The following MYPN variants were observed in gnomAD, a reference collection of about 807,000 sequenced individuals.
MYPN encodes sarcomeric protein myopalladin, 145 kDa (MYOP).
A neutral mutation model predicts 129.4 loss-of-function variants in MYPN; 63 were observed. The ratio of observed to expected loss-of-function variants is 0.49; its 90% CI spans 0.40 to 0.60. MYPN has a LOEUF of 0.60. Among genes scored for constraint, MYPN ranks in the 20% least tolerant of loss-of-function variants. MYPN has a pLI of 0.00. For missense variants in MYPN, 1,596 were observed against 1,635.4 expected, an observed-to-expected ratio of 0.98 and a Z score of 0.42; for synonymous variants, 629 against 600.9, an observed-to-expected ratio of 1.05 and a Z score of -0.68.
At chr10:68,091,540 G>T (rs1589508545) in intron 1 of MYPN, among the ~76,000 whole-genome samples, 1 of 151,430 alleles carries the variant, frequency 6.6e-6, no homozygotes, top group Non-Finnish European at 1.5e-5. Context: ...GGCTACAGGT[G>T]CCTGCCACTA....
rs1392300309 is a variant in MYPN, at chr10:68,148,280, C to G, written c.1131-73C>G. ...TCACCTGTAAGCAGTGATGCCATTA[C>G]TAGTTTTCCTAAAATAATTTTCACA... On this transcript the variant is annotated intron_variant, in intron 4 of 19. Transcript: ENST00000358913. The G allele has an allele frequency of 5.1e-6, 6 of 1,188,070 alleles. No homozygotes were observed. In the East Asian group the frequency reaches 1.5e-4, roughly 30 times the overall value. 73.6% of individuals were successfully genotyped at this position (1,188,070 alleles called of 1,614,324 possible).
At chr10:68,175,110 T>C (rs1218555369) in intron 11 of MYPN, among the ~76,000 whole-genome samples, 3 of 150,126 alleles carry the variant, frequency 2.0e-5, no homozygotes, top group Non-Finnish European at 4.4e-5. Context: ...CACTCCAGCC[T>C]GGATGACAGA....
intron 2 of MYPN, among the ~76,000 whole-genome samples, chr10:68,125,539 T>C (rs1019543583): frequency 6.6e-6 from 1 of 152,240 alleles, no homozygotes; most frequent in Admixed American, 6.5e-5. Flanking sequence ...TTACTGTGTG[T>C]TCGGCACAGT....
At chr10:68,092,368 G>A (rs777705914) in intron 1 of MYPN, among the ~76,000 whole-genome samples, 3 of 152,042 alleles carry the variant, frequency 2.0e-5, no homozygotes, top group Non-Finnish European at 2.9e-5. Context: ...GGTGGCAGGC[G>A]CCTGTTATCC....
intron 12 of MYPN, among the ~76,000 whole-genome samples, chr10:68,187,164 G>A (rs1412871498): frequency 6.6e-6 from 1 of 152,052 alleles, no homozygotes; most frequent in African/African-American, 2.4e-5. Flanking sequence ...TTGAGGTCAG[G>A]AGTTCGAGAT....
chr10:68,115,355 T>C (rs1012623867), intron 1 of MYPN, among the ~76,000 whole-genome samples: 6 of 152,110 alleles, frequency 3.9e-5, no homozygotes, highest in Non-Finnish European at 5.9e-5. Context: ...AACCTGCTCC[T>C]GCCTCATCCC....
At chr10:68,157,327 A>G (rs2042892480) in intron 6 of MYPN, among the ~76,000 whole-genome samples, 1 of 152,204 alleles carries the variant, frequency 6.6e-6, no homozygotes, top group African/African-American at 2.4e-5. Flanking sequence ...CACAATGAAA[A>G]TCAATTTCCA....
chr10:68,092,943 T>C (rs1455044640), intron 1 of MYPN, among the ~76,000 whole-genome samples: 1 of 152,172 alleles, frequency 6.6e-6, no homozygotes, highest in East Asian at 1.9e-4. Context: ...GGATCAGTGG[T>C]TTCCAACTTG....
chr10:68,089,368 G>A (rs2041920520), intron 1 of MYPN, among the ~76,000 whole-genome samples: 1 of 151,888 alleles, frequency 6.6e-6, no homozygotes, highest in Admixed American at 6.6e-5. Context: ...TTGTTTTTGA[G>A]ACTCGCTCTG....
intron 2 of MYPN, among the ~76,000 whole-genome samples, chr10:68,139,138 C>T (rs544017701): frequency 9.2e-5 from 14 of 152,242 alleles, no homozygotes; most frequent in Middle Eastern, 3.4e-3. Context: ...GCCTTCATTC[C>T]GGGACATTCA....
intron 8 of MYPN, among the ~76,000 whole-genome samples, chr10:68,164,481 A>G (rs943624472): frequency 6.6e-6 from 1 of 152,132 alleles, no homozygotes; most frequent in Non-Finnish European, 1.5e-5. Context: ...AAATAGCAAT[A>G]CTCAATACTA....
Position 68,199,497 on chromosome 10 carries a change from C to A in MYPN, c.3415C>A (p.Arg1139Ser). 1 of 1,614,108 alleles carries A rather than the reference C, an allele frequency of 6.2e-7. No homozygotes were observed. The change falls in exon 17 of 20, where the codon CGC (arginine) becomes AGC (serine). Residue 1139 changes from arginine to serine, a missense_variant. By Grantham distance (110) the Arg-to-Ser change is moderately radical. Transcript: ENST00000358913. ...HSLLIDPLTQ[R>S]DAGTYKCIAT... ...TCTGCTCATTGACCCACTCACTCAGCGCGACGCAGGGACCTATAAGTGCAT... is the reference window on the plus strand; with the variant it reads ...TCTGCTCATTGACCCACTCACTCAGAGCGACGCAGGGACCTATAAGTGCAT...
Position 68,150,095 on chromosome 10 carries a change from C to T in MYPN, c.1301C>T (p.Ala434Val). The T allele has an allele frequency of 5.6e-6, 9 of 1,613,550 alleles. No individual in the cohort carries two copies. The highest frequency in any genetic ancestry group is 7.6e-6 in the Non-Finnish European group (9 of 1,179,520). ...QGLDGKPIIAAPVFTKMLQNL... is the reference protein window; with the variant it reads ...QGLDGKPIIAVPVFTKMLQNL... ...TTGGATGGAAAACCTATCATTGCAG[C>T]TCCTGTGTTTACAAAGGTAATAAAA... The change falls in exon 6 of 20, where the codon GCT becomes GTT. Residue 434 changes from alanine to valine, a missense_variant. Ala to Val is a moderately conservative substitution (Grantham distance 64). Transcript: ENST00000358913.
chr10:68,183,967 A>C (rs2043380690), intron 12 of MYPN, among the ~76,000 whole-genome samples: 1 of 152,176 alleles, frequency 6.6e-6, no homozygotes, highest in Admixed American at 6.5e-5. Context: ...GGCTACAGTG[A>C]GCTGTGATCA....
chr10:68,095,486 C>T (rs1287925490), intron 1 of MYPN, among the ~76,000 whole-genome samples: 3 of 152,172 alleles, frequency 2.0e-5, no homozygotes, highest in Non-Finnish European at 4.4e-5. Context: ...AGACCAGGGT[C>T]TCCCTGCCTC....
chr10:68,143,049 C>T lies in MYPN; in HGVS notation c.1012C>T (p.Arg338Cys), dbSNP rs140037748. The T allele has an allele frequency of 4.1e-5, 66 of 1,614,098 alleles. No homozygotes were observed. The highest frequency in any genetic ancestry group is 2.1e-4 in the African/African-American group (16 of 75,048). ...IAEAFEEDTG[R>C]YSCFASNIYG... ...GGAAGCCTTTGAAGAGGACACAGGA[C>T]GCTATTCCTGCTTTGCTTCTAACAT... The change falls in exon 3 of 20, where the codon CGC (arginine) becomes TGC (cysteine). Residue 338 changes from arginine (R) to cysteine (C), a missense_variant. Coordinates refer to ENST00000358913, the MANE Select transcript of MYPN (RefSeq NM_032578.4).
At chr10:68,135,100 C>T (rs1030172860) in intron 2 of MYPN, among the ~76,000 whole-genome samples, 8 of 151,836 alleles carry the variant, frequency 5.3e-5, no homozygotes, top group Non-Finnish European at 4.4e-5. Context: ...TACAGGCACG[C>T]GCTACCATGC....
At chr10:68,132,749 G>C (rs372001630) in intron 2 of MYPN, among the ~76,000 whole-genome samples, 1 of 152,166 alleles carries the variant, frequency 6.6e-6, no homozygotes, top group Admixed American at 6.5e-5. Context: ...CTTCAAGAGG[G>C]ATTAAGTAGT....
At position 68,122,104 on chromosome 10, in the gene MYPN, T is replaced by G; in HGVS notation, c.666T>G (p.Asn222Lys). The change falls in exon 2 of 20, where the codon AAT becomes AAG. Residue 222 changes from asparagine (N) to lysine (K), a missense_variant. By Grantham distance (94) the Asn-to-Lys change is moderately conservative. Coordinates refer to ENST00000358913, the MANE Select transcript of MYPN (RefSeq NM_032578.4). ...CTATCCCTGCGGATACCAGGGATAA[T>G]GAAGTGAATCACGCCCTGGAACAGC... ...PIPIPADTRD[N>K]EVNHALEQQE... 1.2e-6 allele frequency: 2 copies of G among 1,614,160 alleles called. No homozygotes were observed.
Sources: gnomAD v4.1 joint callset for allele counts (sites outside exome capture counted in the v4.1 genomes callset) on GRCh38, gnomAD v4.1.1 for gene constraint, MANE v1.5 for transcripts, NCBI Gene and HGNC (gene_info 2026-07-23, HGNC 2026-07-21) for gene names.